DGKI: variants seen among roughly 807,000 people sequenced by gnomAD.
DGKI encodes DAG kinase iota.
DGKI carries 55 observed loss-of-function variants against 147.5 expected under a neutral mutation model. The observed-to-expected ratio is 0.37, with a 90% confidence interval of 0.30 to 0.47. The LOEUF (loss-of-function observed/expected upper bound fraction) is 0.47. DGKI is among the 20% of genes least tolerant of loss of function. The pLI is 1.00. For synonymous variants in DGKI, 469 were observed against 477.1 expected (o/e 0.98, Z 0.22); for missense variants, 1,007 against 1,323.8 (o/e 0.76, Z 3.71).
intron 1 of DGKI, among the ~76,000 whole-genome samples, chr7:137,820,555 G>A (rs1797867057): frequency 6.6e-6 from 1 of 152,178 alleles, no homozygotes; most frequent in Non-Finnish European, 1.5e-5. Flanking sequence ...CAAATGCTGG[G>A]GGGAGATGGA....
chr7:137,463,640 A>G (rs1814539311), intron 26 of DGKI, 29 bp from the exon 27 acceptor site: 2 of 1,606,954 alleles, frequency 1.2e-6, no homozygotes, highest in African/African-American at 2.7e-5. Context: ...CCAGACAGTT[A>G]AACATTCAAA....
At position 137,800,575 on chromosome 7, in the gene DGKI, A is replaced by G. The variant is rs543410905; in HGVS notation, c.401+45887T>C. On this transcript the variant is annotated intron_variant, in intron 1 of 32. Coordinates refer to ENST00000614521, the MANE Select transcript of DGKI (RefSeq NM_001321708.2). ...GGGCTATGCTTTCTGTACAGGCTAC[A>G]GAACCATGAGCCCATTAAACATCTT... is the stretch of plus-strand genomic sequence containing the variant. 2.6e-4 allele frequency among the ~76,000 whole-genome samples: 40 copies of G among 152,338 alleles called. 1 individual carries two copies. The highest frequency in any genetic ancestry group is 9.6e-4 in the African/African-American group (40 of 41,582).
intron 32 of DGKI, among the ~76,000 whole-genome samples, chr7:137,393,835 C>T (rs1164608895): frequency 6.6e-6 from 1 of 151,998 alleles, no homozygotes. Context: ...ACAACTGGCT[C>T]AGAAAGGAAA....
rs968442134 is a variant in DGKI at position 137,391,395 on chromosome 7, C to T, written c.3058-59G>A. On this transcript the variant is annotated intron_variant, in intron 32 of 32. Coordinates refer to ENST00000614521, the MANE Select transcript of DGKI (RefSeq NM_001321708.2). ...GAGAGAGATAGACACAAGCGCTAGT[C>T]GTGAAATACAAAAACAAAAAACAAA... 1.7e-5 allele frequency: 20 copies of T among 1,211,860 alleles called. No homozygotes were observed. In the East Asian group the frequency reaches 3.5e-4, roughly 21 times the overall value. The allele number at this position is 1,211,860 out of a possible 1,614,324, so 75.1% of individuals were successfully genotyped here.
chr7:137,659,394 AAAGTTATTTG>A (rs1256958310), intron 3 of DGKI, among the ~76,000 whole-genome samples: 24 of 152,198 alleles, frequency 1.6e-4, no homozygotes, highest in African/African-American at 5.8e-4. Flanking sequence ...TCAACTGGTT[AAAGTTATTTG>A]AAGTAGTTGG....
intron 10 of DGKI, among the ~76,000 whole-genome samples, chr7:137,605,028 A>AT (rs1820126694): frequency 6.6e-6 from 1 of 152,070 alleles, no homozygotes; most frequent in Non-Finnish European, 1.5e-5. Flanking sequence ...CAAAGTTGAA[A>AT]TTTTTGGCTG....
rs796238896 is a variant in DGKI at position 137,753,991 on chromosome 7, GAGA to G, written c.402-63992_402-63990del. Reference sequence around the variant, plus strand: ...GAGGAGGAGGAGCGTGGAGGGGGAGGAGAAGAAGAAGTAGTAGTTCCCCTAACT... The same window carrying G: ...GAGGAGGAGGAGCGTGGAGGGGGAGGAGAAGAAGTAGTAGTTCCCCTAACT... On this transcript the variant is annotated intron_variant, in intron 1 of 32. Transcript: ENST00000614521. Among the ~76,000 whole-genome samples the G allele has an allele frequency of 1.1e-4, 16 of 152,156 alleles. 1 individual carries two copies. The highest frequency in any genetic ancestry group is 2.9e-4 in the African/African-American group (12 of 41,482).
At chr7:137,398,976 T>A (rs1811651043) in intron 30 of DGKI, among the ~76,000 whole-genome samples, 1 of 148,742 alleles carries the variant, frequency 6.7e-6, no homozygotes, top group Non-Finnish European at 1.5e-5. Context: ...TGGAACTACA[T>A]TTCCTCAATT....
At chr7:137,408,591 A>G (rs1482599224) in intron 29 of DGKI, among the ~76,000 whole-genome samples, 3 of 152,232 alleles carry the variant, frequency 2.0e-5, no homozygotes, top group South Asian at 4.1e-4. Context: ...CCAGATATGC[A>G]GCCCAGCCTG....
intron 28 of DGKI, among the ~76,000 whole-genome samples, chr7:137,421,052 A>G (rs1812548790): frequency 6.6e-6 from 1 of 152,096 alleles, no homozygotes; most frequent in Non-Finnish European, 1.5e-5. Flanking sequence ...AAAAAAAATC[A>G]GATGTAAGAG....
At chr7:137,682,676 T>C (rs1309527084) in intron 2 of DGKI, among the ~76,000 whole-genome samples, 1 of 152,246 alleles carries the variant, frequency 6.6e-6, no homozygotes, top group Non-Finnish European at 1.5e-5. Flanking sequence ...GACACATAGT[T>C]AGACTTTATT....
chr7:137,517,667 C>G (rs1442615175), intron 21 of DGKI, among the ~76,000 whole-genome samples: 1 of 152,060 alleles, frequency 6.6e-6, no homozygotes, highest in Non-Finnish European at 1.5e-5. Context: ...ACCTTTGTAA[C>G]TTTTTTGTAA....
chr7:137,565,967 T>A (rs1818569898), intron 19 of DGKI, among the ~76,000 whole-genome samples: 1 of 152,120 alleles, frequency 6.6e-6, no homozygotes, highest in Non-Finnish European at 1.5e-5. Context: ...ATTCCAGTAA[T>A]TCTATTTCAA....
intron 27 of DGKI, among the ~76,000 whole-genome samples, chr7:137,454,155 G>A (rs183497590): frequency 6.6e-6 from 1 of 152,198 alleles, no homozygotes; most frequent in East Asian, 1.9e-4. Flanking sequence ...AAATAACTGT[G>A]TGATGTAATG....
At chr7:137,552,044 G>A (rs1818062142) in intron 20 of DGKI, among the ~76,000 whole-genome samples, 3 of 152,066 alleles carry the variant, frequency 2.0e-5, no homozygotes, top group South Asian at 2.1e-4. Context: ...AAACAAAAAC[G>A]CATTTACCTG....
intron 28 of DGKI, among the ~76,000 whole-genome samples, chr7:137,443,224 A>T (rs1462291760): frequency 6.6e-6 from 1 of 152,186 alleles, no homozygotes; most frequent in East Asian, 1.9e-4. Context: ...GAAAAGCTGA[A>T]CACAATTATT....
At chr7:137,482,381 G>A (rs1301675027) in intron 23 of DGKI, among the ~76,000 whole-genome samples, 7 of 151,880 alleles carry the variant, frequency 4.6e-5, no homozygotes, top group African/African-American at 1.7e-4. Flanking sequence ...AACATAGATA[G>A]AACAGTGGGC....
At chr7:137,662,765 G>A (rs1822490096) in intron 3 of DGKI, among the ~76,000 whole-genome samples, 1 of 152,186 alleles carries the variant, frequency 6.6e-6, no homozygotes. Context: ...TTGGAGGGCA[G>A]GCCTTCATTT....
At chr7:137,641,829 A>G (rs1821638503) in intron 6 of DGKI, among the ~76,000 whole-genome samples, 1 of 152,266 alleles carries the variant, frequency 6.6e-6, no homozygotes, top group South Asian at 2.1e-4. Flanking sequence ...AATAAAAGAT[A>G]AGCTTTTAAG....
Sources: gnomAD v4.1 joint callset for allele counts (sites outside exome capture counted in the v4.1 genomes callset) on GRCh38, gnomAD v4.1.1 for gene constraint, MANE v1.5 for transcripts, NCBI Gene and HGNC (gene_info 2026-07-23, HGNC 2026-07-21) for gene names.